The following EHD2 variants were observed in gnomAD, a reference collection of about 807,000 sequenced individuals.
EHD2 encodes EH domain-containing protein 2.
Under a neutral mutation model 41.0 loss-of-function variants are expected in EHD2, and 27 were observed. The observed-to-expected ratio is 0.66, with a 90% CI of 0.49 to 0.91. The LOEUF (loss-of-function observed/expected upper bound fraction) is 0.91, where lower values mean the gene tolerates loss of function less well. Among genes scored for constraint, EHD2 ranks in the 40% least tolerant of loss-of-function variants. EHD2 has a pLI of 0.00. For missense variants in EHD2, 673 were observed against 773.9 expected (o/e 0.87, Z 1.55); for synonymous variants, 342 against 341.0 (o/e 1.00, Z -0.03).
chr19:47,729,182 G>A (rs1015332202), intron 4 of EHD2, among the ~76,000 whole-genome samples: 1 of 152,118 alleles, frequency 6.6e-6, no homozygotes, highest in Non-Finnish European at 1.5e-5. Flanking sequence ...GAGCTGGGGC[G>A]GGGTAGCTGG....
In EHD2 at chr19:47,719,370, G is replaced by C. The variant is rs1169427246; in HGVS notation, c.502+764G>C. Among the ~76,000 whole-genome samples, 1 of 152,074 alleles carries C rather than the reference G, an allele frequency of 6.6e-6. No individual in the cohort carries two copies. The highest frequency in any genetic ancestry group is 1.5e-5 in the Non-Finnish European group (1 of 67,994). ...TGGGGCCGAGAAGGGGATGGGAAGG[G>C]AATCTGGGTGGGGGCCAAGGCCAGG... On this transcript the variant is annotated intron_variant, in intron 3 of 5. Transcript: ENST00000263277. The surrounding 1 kb of genome is among the most constrained non-coding windows in gnomAD (Gnocchi z 4.1).
In EHD2 at chr19:47,722,009, AACACACACACACACACAC is replaced by A. The variant is rs201572396; in HGVS notation, c.502+3434_502+3451del. Among the ~76,000 whole-genome samples the A allele has an allele frequency of 6.8e-3, 890 of 130,736 alleles. 13 individuals carry two copies. Among genetic ancestry groups the A allele is most frequent in the African/African-American group, 0.023 (813 of 35,786 alleles). 85.8% of individuals were successfully genotyped at this position (130,736 alleles called of 152,430 possible). Reference sequence around the variant, plus strand: ...CAAAAATAAACAAACAGAAAAACAAAACACACACACACACACACACACACACACACACACACACACACA... The same window carrying A: ...CAAAAATAAACAAACAGAAAAACAAAACACACACACACACACACACACACA... On this transcript the variant is annotated intron_variant, in intron 3 of 5. Coordinates refer to ENST00000263277, the MANE Select transcript of EHD2 (RefSeq NM_014601.4).
intron 4 of EHD2, chr19:47,731,212 T>C (rs577521752): frequency 6.9e-6 from 1 of 145,382 alleles, no homozygotes; most frequent in South Asian, 2.2e-4. Flanking sequence ...GAGATGAAGA[T>C]TTAGAACCAG....
chr19:47,722,962 T>C (rs570089885), intron 3 of EHD2, among the ~76,000 whole-genome samples: 8 of 152,270 alleles, frequency 5.3e-5, no homozygotes, highest in African/African-American at 1.9e-4. Flanking sequence ...AGTCACTGAG[T>C]GAGCTCTAGC....
intron 5 of EHD2, among the ~76,000 whole-genome samples, chr19:47,739,763 T>A (rs975387202): frequency 6.6e-6 from 1 of 151,624 alleles, no homozygotes; most frequent in Non-Finnish European, 1.5e-5. Flanking sequence ...TTTTTTTTTT[T>A]AACTTTTAAT....
At chr19:47,732,050 G>A (rs928694725) in intron 4 of EHD2, 1 of 152,130 alleles carries the variant, frequency 6.6e-6, no homozygotes, top group Non-Finnish European at 1.5e-5. Flanking sequence ...GCCTCCCAAA[G>A]TGCTGGGATT....
chr19:47,727,872 G>T (rs1973768313), intron 4 of EHD2, among the ~76,000 whole-genome samples: 1 of 152,068 alleles, frequency 6.6e-6, no homozygotes, highest in Admixed American at 6.6e-5. Context: ...GGGGGGAGCA[G>T]ATCACTTGAG....
At chr19:47,720,140 T>C (rs1282568351) in intron 3 of EHD2, among the ~76,000 whole-genome samples, 1 of 151,088 alleles carries the variant, frequency 6.6e-6, no homozygotes, top group Non-Finnish European at 1.5e-5. Context: ...TGTGCGCATG[T>C]GCCTATAATT....
intron 3 of EHD2, among the ~76,000 whole-genome samples, chr19:47,721,568 C>A (rs1973697498): frequency 6.6e-6 from 1 of 151,824 alleles, no homozygotes; most frequent in Non-Finnish European, 1.5e-5. Context: ...CCCACCTCGG[C>A]CTCCCAAAGT....
Position 47,725,793 on chromosome 19 carries a change from C to T in EHD2, c.503-19C>T. On this transcript the variant is annotated intron_variant, in intron 3 of 5. Transcript: ENST00000263277. ...TGATTTCTGCCCCTTGCGCCCCTGT[C>T]TCTCCACTCCCACTCCAGGCTACGA... 6.4e-6 allele frequency: 10 copies of T among 1,559,642 alleles called. No individual in the cohort carries two copies. The highest frequency in any genetic ancestry group is 8.7e-6 in the Non-Finnish European group (10 of 1,147,506).
intron 4 of EHD2, among the ~76,000 whole-genome samples, chr19:47,730,030 G>T (rs1973792077): frequency 6.6e-6 from 1 of 151,960 alleles, no homozygotes; most frequent in Non-Finnish European, 1.5e-5. Flanking sequence ...GTTCCCGCGG[G>T]TCCCTTGGCG....
intron 3 of EHD2, among the ~76,000 whole-genome samples, chr19:47,722,694 T>G (rs1973709915): frequency 6.6e-6 from 1 of 151,912 alleles, no homozygotes; most frequent in Non-Finnish European, 1.5e-5. Flanking sequence ...GCCTCCCGAA[T>G]AGCTGGGATT....
intron 4 of EHD2, among the ~76,000 whole-genome samples, chr19:47,735,760 C>T (rs962178852): frequency 6.6e-6 from 1 of 151,626 alleles, no homozygotes; most frequent in African/African-American, 2.4e-5. Flanking sequence ...AAAAAATTAG[C>T]CGGGTGTGGT....
At chr19:47,729,126 A>G (rs1973782437) in intron 4 of EHD2, among the ~76,000 whole-genome samples, 1 of 152,134 alleles carries the variant, frequency 6.6e-6, no homozygotes, top group Non-Finnish European at 1.5e-5. Context: ...GGGCTCCTGG[A>G]GAGGAGACAG....
At position 47,736,400 on chromosome 19, in the gene EHD2, A is replaced by G. The variant is rs200234195; in HGVS notation, c.947A>G (p.Lys316Arg). ...VHAYIISYLKKEMPSVFGKEN... is the reference protein window; with the variant it reads ...VHAYIISYLKREMPSVFGKEN... ...GCTTACATCATCAGCTACCTGAAGA[A>G]GGAGATGCCCTCTGTGTTTGGGAAG... Residue 316 changes from lysine (K) to arginine (R), a missense_variant, in exon 5 of 6, where the codon AAG (lysine) becomes AGG (arginine). Lys to Arg is a conservative substitution (Grantham distance 26, BLOSUM62 2). Transcript: ENST00000263277. The G allele has an allele frequency of 1.1e-4, 171 of 1,613,258 alleles. No individual in the cohort carries two copies. In the Middle Eastern group the frequency reaches 1.6e-3, roughly 16 times the overall value.
In EHD2 at chr19:47,719,946, ATGTGTGTGTG is replaced by A. The variant is rs59665711; in HGVS notation, c.502+1355_502+1364del. ...AGAGTGTCCAGCTGTTGGTGTGTAT[ATGTGTGTGTG>A]TGTGTGTGTGTGTGACTTTGTGTAT... is the stretch of plus-strand genomic sequence containing the variant. On this transcript the variant is annotated intron_variant, in intron 3 of 5. Transcript: ENST00000263277. The surrounding 1 kb of genome is among the most constrained non-coding windows in gnomAD (Gnocchi z 4.1). 2.7e-5 allele frequency among the ~76,000 whole-genome samples: 4 copies of A among 146,940 alleles called. No homozygotes were observed. Among genetic ancestry groups the A allele is most frequent in the Non-Finnish European group, 4.5e-5 (3 of 66,896 alleles).
intron 2 of EHD2, among the ~76,000 whole-genome samples, chr19:47,717,736 G>A (rs12972681): frequency 0.092 from 13,894 of 150,838 alleles, 832 homozygotes; most frequent in East Asian, 0.16. Context: ...GTGAAACCCC[G>A]TCTCTACCAA....
At chr19:47,732,134 T>G (rs190607526) in intron 4 of EHD2, 1 of 151,796 alleles carries the variant, frequency 6.6e-6, no homozygotes, top group African/African-American at 2.4e-5. Flanking sequence ...ATTATTATTT[T>G]GTTTTGAGAC....
At chr19:47,737,045 C>A (rs1296645052) in intron 5 of EHD2, among the ~76,000 whole-genome samples, 1 of 151,792 alleles carries the variant, frequency 6.6e-6, no homozygotes, top group Non-Finnish European at 1.5e-5. Context: ...TCCTGGCTAA[C>A]ACGGTGAAAC....
Sources: gnomAD v4.1 joint callset for allele counts (sites outside exome capture counted in the v4.1 genomes callset) on GRCh38, gnomAD v4.1.1 for gene constraint, Gnocchi (gnomAD v3.1) non-coding constraint, MANE v1.5 for transcripts, NCBI Gene and HGNC (gene_info 2026-07-23, HGNC 2026-07-21) for gene names.